The following ARMH1 variants were observed in gnomAD, a reference collection of about 807,000 sequenced individuals.
ARMH1 encodes armadillo-like helical domain containing protein 1.
Under a neutral mutation model 50.2 loss-of-function variants are expected in ARMH1, and 34 were observed. That is an observed-to-expected ratio of 0.68 (90% CI 0.51 to 0.90). The LOEUF (loss-of-function observed/expected upper bound fraction) is 0.90. ARMH1 is among the 40% of genes least tolerant of loss of function. ARMH1 has a pLI of 0.00. For missense variants in ARMH1, 538 were observed against 553.9 expected, an observed-to-expected ratio of 0.97 and a Z score of 0.29; for synonymous variants, 221 against 224.2, an observed-to-expected ratio of 0.99 and a Z score of 0.13.
Position 44,724,340 on chromosome 1 carries a change from AC to A in ARMH1, c.873del (p.Ser292AlafsTer23). The A allele has an allele frequency of 6.4e-7, 1 of 1,550,676 alleles. No homozygotes were observed. On this transcript the variant is annotated frameshift_variant, in exon 8 of 12. Coordinates refer to ENST00000535358, the MANE Select transcript of ARMH1 (RefSeq NM_001145636.2). LOFTEE classifies it high-confidence loss of function. The surrounding 1 kb of genome is among the most constrained non-coding windows in gnomAD (Gnocchi z 6.4). The stretch of plus-strand genomic sequence containing the variant: ...CTCAGACCCCTCGGTTCTCCAGCTC[AC>A]CCCCAGCCTGCCGATGTTTTTGCAG... ...ILSDPSVLQLTPSLPMFLQQA... is the reference protein window; with the variant it reads ...ILSDPSVLQLXPSLPMFLQQA...
At chr1:44,719,589 A>G (rs12746898) in intron 6 of ARMH1, among the ~76,000 whole-genome samples, 41,808 of 152,134 alleles carry the variant, frequency 0.27, 6,914 homozygotes, top group African/African-American at 0.46. Flanking sequence ...TTTGGAAATC[A>G]TCAATGATAG....
intron 4 of ARMH1, among the ~76,000 whole-genome samples, 155 bp downstream of exon 4, chr1:44,698,384 A>G (rs2148650955): frequency 6.6e-6 from 1 of 152,348 alleles, no homozygotes; most frequent in South Asian, 2.1e-4. Context: ...ACCCAGATTT[A>G]TGATTCTCCT....
intron 6 of ARMH1, chr1:44,721,944 T>C (rs1371646110): frequency 6.6e-6 from 1 of 152,192 alleles, no homozygotes; most frequent in African/African-American, 2.4e-5. Context: ...TATTGACTGG[T>C]CTCCCTCTAC....
intron 6 of ARMH1, among the ~76,000 whole-genome samples, chr1:44,709,266 TC>T (rs1417159894): frequency 6.6e-6 from 1 of 152,204 alleles, no homozygotes; most frequent in Admixed American, 6.5e-5. Flanking sequence ...GTCACCCTCT[TC>T]CTTCTCATCT....
intron 1 of ARMH1, among the ~76,000 whole-genome samples, chr1:44,678,299 T>C (rs1645200463): frequency 6.7e-6 from 1 of 149,030 alleles, no homozygotes; most frequent in Non-Finnish European, 1.5e-5. Flanking sequence ...TGGGTAGGAA[T>C]GAGGGCAAGT....
rs1646229243 is a variant in ARMH1 at position 44,704,156 on chromosome 1, T to C, written c.707T>C (p.Leu236Pro). Residue 236 changes from leucine (L) to proline (P), a missense_variant, in exon 6 of 12, where the codon CTG (leucine) becomes CCG (proline). Leu to Pro is a moderately conservative substitution (Grantham distance 98). Coordinates refer to ENST00000535358, the MANE Select transcript of ARMH1 (RefSeq NM_001145636.2). Reference sequence around the variant, plus strand: ...CTGAAGGTGCTGGGCACGATGCACCTGGAAGTCCAGTATGAAGGTAGGGAG... The same window carrying C: ...CTGAAGGTGCTGGGCACGATGCACCCGGAAGTCCAGTATGAAGGTAGGGAG... ...CVLKVLGTMHLEVQYEAIELI... is the reference protein window; with the variant it reads ...CVLKVLGTMHPEVQYEAIELI... 6.4e-6 allele frequency: 10 copies of C among 1,551,108 alleles called. No individual in the cohort carries two copies. In the South Asian group the frequency reaches 1.2e-4, roughly 18 times the overall value.
intron 6 of ARMH1, chr1:44,722,016 C>T (rs1168452831): frequency 6.6e-6 from 1 of 152,168 alleles, no homozygotes; most frequent in Admixed American, 6.5e-5. Context: ...GTGTCCTAAA[C>T]ATGTTCTCAC....
chr1:44,704,829 G>A (rs1646264784), intron 6 of ARMH1, among the ~76,000 whole-genome samples: 1 of 143,760 alleles, frequency 7.0e-6, no homozygotes, highest in Non-Finnish European at 1.5e-5. Context: ...TTTATTTATT[G>A]AGAACTTTTT....
chr1:44,724,955 C>G lies in ARMH1; in HGVS notation c.1128+116C>G, dbSNP rs1356024083. 3.3e-6 allele frequency: 5 copies of G among 1,497,818 alleles called. No individual in the cohort carries two copies. The highest frequency in any genetic ancestry group is 4.5e-6 in the Non-Finnish European group (5 of 1,121,288). 92.8% of individuals were successfully genotyped at this position (1,497,818 alleles called of 1,614,324 possible). On this transcript the variant is annotated intron_variant, in intron 10 of 11. Coordinates refer to ENST00000535358, the MANE Select transcript of ARMH1 (RefSeq NM_001145636.2). The surrounding 1 kb of genome is among the most constrained non-coding windows in gnomAD (Gnocchi z 6.4). ...CCACATGCAGAGTGGACCTGGCCAC[C>G]AGCTGCAGGAGGGACTGCTCTGGCG...
chr1:44,690,173 A>G (rs912734973), intron 2 of ARMH1, among the ~76,000 whole-genome samples: 2 of 152,064 alleles, frequency 1.3e-5, no homozygotes, highest in Non-Finnish European at 2.9e-5. Context: ...AGCCGAGATC[A>G]TGCCACTGCA....
chr1:44,717,023 G>A (rs538843436), intron 6 of ARMH1, among the ~76,000 whole-genome samples: 1 of 151,988 alleles, frequency 6.6e-6, no homozygotes, highest in East Asian at 1.9e-4. Context: ...GCTAATTTTT[G>A]TAGTTTTAGT....
At chr1:44,718,146 T>TA (rs1449397628) in intron 6 of ARMH1, among the ~76,000 whole-genome samples, 1 of 152,242 alleles carries the variant, frequency 6.6e-6, no homozygotes, top group Admixed American at 6.5e-5. Context: ...GAAATTTTCA[T>TA]AAAAATATCT....
In ARMH1 at chr1:44,681,613, G is replaced by A. The variant is rs72899523; in HGVS notation, c.-23+6740G>A. 2.5e-3 allele frequency among the ~76,000 whole-genome samples: 374 copies of A among 152,306 alleles called. 3 individuals are homozygous for A. Among genetic ancestry groups the A allele is most frequent in the African/African-American group, 8.5e-3 (354 of 41,566 alleles). On this transcript the variant is annotated intron_variant, in intron 1 of 11. Coordinates refer to ENST00000535358, the MANE Select transcript of ARMH1 (RefSeq NM_001145636.2). This position sits in a 1 kb window ranked among gnomAD's most constrained non-coding sequence, Gnocchi z 4.3. Reference sequence around the variant, plus strand: ...AGAATGAGGGCCCTGAGAAGGCGGGGTGGATGGAGGCAGAGCTCTGGTAGA... The same window carrying A: ...AGAATGAGGGCCCTGAGAAGGCGGGATGGATGGAGGCAGAGCTCTGGTAGA...
intron 6 of ARMH1, among the ~76,000 whole-genome samples, chr1:44,708,652 AG>A (rs1316380105): frequency 1.3e-5 from 2 of 152,048 alleles, no homozygotes; most frequent in African/African-American, 4.8e-5. Context: ...GGAGGGGCTT[AG>A]GGGGCCTGGC....
intron 3 of ARMH1, among the ~76,000 whole-genome samples, chr1:44,697,705 C>T (rs1257324989): frequency 6.6e-6 from 1 of 152,128 alleles, no homozygotes; most frequent in Non-Finnish European, 1.5e-5. Flanking sequence ...AGGTCCCATG[C>T]CCAGCCCCAA....
chr1:44,701,195 C>A, intron 5 of ARMH1, 76 bp downstream of exon 5: 1 of 1,371,824 alleles, frequency 7.3e-7, no homozygotes, highest in South Asian at 1.5e-5. Context: ...CAGTTGCTCT[C>A]CACACAGGCA....
intron 5 of ARMH1, among the ~76,000 whole-genome samples, chr1:44,702,710 C>A (rs1235407655): frequency 5.7e-3 from 513 of 89,710 alleles, no homozygotes; most frequent in Non-Finnish European, 7.4e-3. Flanking sequence ...GACTCCATCT[C>A]AAAAAAAAAA....
chr1:44,702,780 G>A (rs1646149045), intron 5 of ARMH1, among the ~76,000 whole-genome samples: 1 of 151,992 alleles, frequency 6.6e-6, no homozygotes, highest in African/African-American at 2.4e-5. Flanking sequence ...AGAAAAATAG[G>A]GTTGGAAAAT....
rs2148575815 is a variant in ARMH1 at position 44,682,039 on chromosome 1, A to C, written c.-23+7166A>C. On this transcript the variant is annotated intron_variant, in intron 1 of 11. Coordinates refer to ENST00000535358, the MANE Select transcript of ARMH1 (RefSeq NM_001145636.2). The surrounding 1 kb of genome is among the most constrained non-coding windows in gnomAD (Gnocchi z 4.5). The stretch of plus-strand genomic sequence containing the variant: ...TGCCAGTCTGTAAGCACCCGAGGGC[A>C]AGGTCTATGTTTGTCACGTTAACCA... Among the ~76,000 whole-genome samples, 1 of 152,346 alleles carries C rather than the reference A, an allele frequency of 6.6e-6. No individual in the cohort carries two copies. The highest frequency in any genetic ancestry group is 2.1e-4 in the South Asian group (1 of 4,834).
Sources: allele counts gnomAD v4.1 joint callset (sites outside exome capture counted in the v4.1 genomes callset), GRCh38; gene constraint gnomAD v4.1.1; non-coding constraint Gnocchi (gnomAD v3.1); transcripts MANE v1.5; gene names NCBI Gene and HGNC (gene_info 2026-07-23, HGNC 2026-07-21).